Variants in OVCH1 observed in about 807,000 individuals in gnomAD.
OVCH1 encodes the protein ovochymase-1.
Under a neutral mutation model 138.4 loss-of-function variants are expected in OVCH1, and 139 were observed. That is an observed-to-expected ratio of 1.00 (90% CI 0.87 to 1.16). The LOEUF is 1.16. Among genes scored for constraint, OVCH1 ranks in the 50% most tolerant of loss-of-function variants. The pLI is 0.00. For missense variants in OVCH1, 1,367 were observed against 1,357.9 expected, an observed-to-expected ratio of 1.01 and a Z score of -0.11; for synonymous variants, 453 against 467.8, an observed-to-expected ratio of 0.97 and a Z score of 0.41.
intron 27 of OVCH1, among the ~76,000 whole-genome samples, chr12:29,430,589 G>T (rs898633445): frequency 1.3e-5 from 2 of 152,162 alleles, no homozygotes; most frequent in African/African-American, 4.8e-5. Context: ...CAGGGAAACT[G>T]GGGGAGAGCT....
At chr12:29,434,378 T>G (rs1022883147) in intron 26 of OVCH1, among the ~76,000 whole-genome samples, 2 of 152,170 alleles carry the variant, frequency 1.3e-5, no homozygotes, top group Admixed American at 6.5e-5. Context: ...GCATGAGGCC[T>G]CCACAGATTA....
chr12:29,477,148 G>A (rs7975356), exon 12 of OVCH1: 1,371,487 of 1,612,646 alleles, frequency 0.85, 585,507 homozygotes, highest in East Asian at 0.93. Flanking sequence ...ATGACACCTT[G>A]TGTTACTGGG....
At chr12:29,421,883 A>C (rs1941109353) in intron 3 of OVCH1, among the ~76,000 whole-genome samples, 1 of 152,164 alleles carries the variant, frequency 6.6e-6, no homozygotes, top group Non-Finnish European at 1.5e-5. Context: ...TGTATTTAAA[A>C]CAAAAAGTTT....
At chr12:29,482,357 A>G (rs1033298110) in intron 8 of OVCH1, among the ~76,000 whole-genome samples, 2 of 152,068 alleles carry the variant, frequency 1.3e-5, no homozygotes, top group Non-Finnish European at 2.9e-5. Flanking sequence ...TTTTTCAAGT[A>G]TCATCTTTAT....
At chr12:29,492,911 A>ACTC (rs1943310548) in intron 4 of OVCH1, among the ~76,000 whole-genome samples, 1 of 152,190 alleles carries the variant, frequency 6.6e-6, no homozygotes. Context: ...AAGTGAAGAA[A>ACTC]ATATTTCCAA....
downstream of OVCH1, among the ~76,000 whole-genome samples, chr12:29,410,065 G>A (rs558563509): frequency 5.3e-4 from 80 of 152,070 alleles, no homozygotes; most frequent in African/African-American, 1.9e-3. Context: ...TTATGTAATG[G>A]CCTTTTTTGT....
chr12:29,484,553 G>A (rs941878358), intron 8 of OVCH1, among the ~76,000 whole-genome samples, 160 bp downstream of exon 9: 3 of 152,240 alleles, frequency 2.0e-5, no homozygotes, highest in African/African-American at 4.8e-5. Flanking sequence ...TACTTAGTAC[G>A]CTGGGGTGGG....
intron 22 of OVCH1, among the ~76,000 whole-genome samples, chr12:29,451,007 G>A (rs1166298502): frequency 4.0e-5 from 6 of 148,908 alleles, no homozygotes; most frequent in Non-Finnish European, 7.4e-5. Context: ...CACACACTGG[G>A]GCCTGTTGGG....
intron 19 of OVCH1, among the ~76,000 whole-genome samples, chr12:29,461,555 C>T (rs193048607): frequency 3.2e-4 from 48 of 152,254 alleles, no homozygotes; most frequent in Non-Finnish European, 6.6e-4. Flanking sequence ...TGTACCTGAA[C>T]ACATCTTCCC....
intron 3 of OVCH1, among the ~76,000 whole-genome samples, chr12:29,421,634 A>G (rs1808734889): frequency 6.6e-6 from 1 of 152,164 alleles, no homozygotes; most frequent in Admixed American, 6.5e-5. Context: ...AACACTTTAC[A>G]CTACACGTAT....
intron 23 of OVCH1, 27 bp from the exon 24 acceptor site, chr12:29,444,307 G>A (rs1290844030): frequency 2.5e-6 from 4 of 1,606,202 alleles, no homozygotes; most frequent in East Asian, 2.2e-5. Context: ...CAGAGAAAAT[G>A]AGAATAAAAC....
At chr12:29,419,631 A>T (rs1941076898) in intron 3 of OVCH1, among the ~76,000 whole-genome samples, 1 of 152,068 alleles carries the variant, frequency 6.6e-6, no homozygotes, top group Non-Finnish European at 1.5e-5. Context: ...ATGCCTCAAG[A>T]TAATGATTCT....
chr12:29,445,095 A>C (rs182660269), intron 23 of OVCH1, among the ~76,000 whole-genome samples, 183 bp downstream of exon 23: 3 of 152,248 alleles, frequency 2.0e-5, no homozygotes, highest in African/African-American at 7.2e-5. Context: ...TCCATTGAGC[A>C]GTTTCCCTTT....
intron 16 of OVCH1, among the ~76,000 whole-genome samples, chr12:29,466,102 T>TG (rs1025665096): frequency 2.1e-4 from 8 of 38,766 alleles, no homozygotes; most frequent in African/African-American, 9.0e-4. Flanking sequence ...TGTTGTGGGG[T>TG]GGGGGGAGGG....
chr12:29,456,140 G>C (rs1057149456), intron 19 of OVCH1, among the ~76,000 whole-genome samples: 1 of 152,154 alleles, frequency 6.6e-6, no homozygotes, highest in Non-Finnish European at 1.5e-5. Context: ...TAGGATATTA[G>C]ATGTGAAAAG....
chr12:29,428,355 A>G (rs1941213358), intron 27 of OVCH1, among the ~76,000 whole-genome samples: 1 of 151,922 alleles, frequency 6.6e-6, no homozygotes, highest in South Asian at 2.1e-4. Context: ...CCAAAGCTCT[A>G]CCTCTATTAT....
intron 4 of OVCH1, among the ~76,000 whole-genome samples, chr12:29,494,265 G>T (rs1462411987): frequency 1.3e-5 from 2 of 152,188 alleles, no homozygotes; most frequent in East Asian, 3.9e-4. Context: ...AGATCAATTT[G>T]ATCCCTTAAG....
chr12:29,423,583 G>A (rs12300602), downstream of OVCH1, among the ~76,000 whole-genome samples: 1,374 of 152,224 alleles, frequency 9.0e-3, 25 homozygotes, highest in African/African-American at 0.032. Flanking sequence ...GGGCATTTGC[G>A]CGAAGATAAC....
At chr12:29,431,568 CCCT>C (rs1047107964) in intron 27 of OVCH1, among the ~76,000 whole-genome samples, 2 of 146,098 alleles carry the variant, frequency 1.4e-5, no homozygotes, top group African/African-American at 2.6e-5. Context: ...AACATTTTCC[CCCT>C]ATTTAATTTA....
Sources: allele counts gnomAD v4.1 joint callset (sites outside exome capture counted in the v4.1 genomes callset), GRCh38; gene constraint gnomAD v4.1.1; transcripts MANE v1.5; gene names NCBI Gene and HGNC (gene_info 2026-07-23, HGNC 2026-07-21).